Variants in CNTNAP1 observed in about 807,000 individuals in gnomAD.
CNTNAP1 encodes contactin associated protein 1, also known as contactin-associated protein 1.
Under a neutral mutation model 161.5 loss-of-function variants are expected in CNTNAP1, and 80 were observed. The observed-to-expected ratio is 0.50, with a 90% CI of 0.41 to 0.60. CNTNAP1 has a LOEUF of 0.60. Ranked by LOEUF, CNTNAP1 falls within the 20% of genes least tolerant of loss-of-function variation. The pLI, the probability that CNTNAP1 is intolerant of heterozygous loss-of-function variation, is 0.00. For synonymous variants in CNTNAP1, 695 were observed against 733.1 expected, an observed-to-expected ratio of 0.95 and a Z score of 0.84; for missense variants, 1,464 against 1,854.8, an observed-to-expected ratio of 0.79 and a Z score of 3.87.
In CNTNAP1 at chr17:42,688,572, C is replaced by G. The variant is rs146616808; in HGVS notation, c.1417C>G (p.Pro473Ala). 7.4e-6 allele frequency: 12 copies of G among 1,614,006 alleles called. No individual in the cohort carries two copies. The highest frequency in any genetic ancestry group is 1.0e-5 in the Non-Finnish European group (12 of 1,180,034). The change falls in exon 9 of 24, where the codon CCG becomes GCG. Residue 473 changes from proline (P) to alanine (A), a missense_variant. Pro to Ala is a conservative substitution (Grantham distance 27). Transcript: ENST00000264638. ...AGGGGCAGAGGTCAGGGTCTCATAC[C>G]CGTTGCTGATCCGGACAGGGACCTC... ...VEGAEVRVSY[P>A]LLIRTGTSYF...
rs569244633 is a variant in CNTNAP1, at chr17:42,685,720, T to C, written c.716-237T>C. ...CAGACGCACACACATTGTATCTCATTAGCTTTTCATAACACCCGCACATGA... is the reference window on the plus strand; with the variant it reads ...CAGACGCACACACATTGTATCTCATCAGCTTTTCATAACACCCGCACATGA... On this transcript the variant is annotated intron_variant, in intron 5 of 23. Transcript: ENST00000264638. This position sits in a 1 kb window ranked among gnomAD's most constrained non-coding sequence, Gnocchi z 5.0. Among the ~76,000 whole-genome samples the C allele has an allele frequency of 2.0e-5, 3 of 152,308 alleles. No homozygotes were observed. The South Asian group carries it at 6.2e-4, about 32-fold the overall frequency.
chr17:42,692,967 T>TG (rs1355786544), intron 17 of CNTNAP1, among the ~76,000 whole-genome samples: 1 of 151,294 alleles, frequency 6.6e-6, no homozygotes, highest in African/African-American at 2.4e-5. Context: ...TCTTTTTTTT[T>TG]TTTTTTTGAG....
At chr17:42,689,716 G>A (rs2053061161) in intron 11 of CNTNAP1, 89 bp downstream of exon 11, 1 of 1,080,656 alleles carries the variant, frequency 9.3e-7, no homozygotes, top group East Asian at 2.4e-5. Flanking sequence ...AGATGGCGAG[G>A]ATGGCCCTTC....
intron 3 of CNTNAP1, 84 bp from the exon 4 acceptor site, chr17:42,684,907 A>G (rs1453819278): frequency 4.0e-6 from 6 of 1,484,456 alleles, no homozygotes; most frequent in South Asian, 1.3e-5. Flanking sequence ...CCTGGGCGAC[A>G]GAGCGAGACT....
intron 19 of CNTNAP1, 42 bp from the exon 20 acceptor site, chr17:42,695,983 C>A: frequency 1.2e-6 from 2 of 1,609,454 alleles, no homozygotes; most frequent in East Asian, 4.5e-5. Context: ...AGATAGGAGT[C>A]ATGGGGCCTG....
Position 42,697,612 on chromosome 17 carries a change from C to T in CNTNAP1, c.3627C>T (p.Cys1209=), listed in dbSNP as rs780384214. ...QRYNTPGFSG[C]LSGVRFNNVA... ...ACAACACCCCAGGTTTCTCAGGCTGCCTGTCTGGTGTTCGATTCAACAACG... is the reference window on the plus strand; with the variant it reads ...ACAACACCCCAGGTTTCTCAGGCTGTCTGTCTGGTGTTCGATTCAACAACG... The change falls in exon 22 of 24, where the codon TGC becomes TGT. Residue 1209 remains cysteine, a synonymous_variant. Coordinates refer to ENST00000264638, the MANE Select transcript of CNTNAP1 (RefSeq NM_003632.3). 3.2e-5 allele frequency: 51 copies of T among 1,614,126 alleles called. 2 individuals carry two copies. In the South Asian group the frequency reaches 5.4e-4, roughly 17 times the overall value.
In CNTNAP1 at chr17:42,692,677, G is replaced by A; in HGVS notation, c.2709G>A (p.Leu903=). 1 of 1,614,102 alleles carries A rather than the reference G, an allele frequency of 6.2e-7. No homozygotes were observed. Among genetic ancestry groups the A allele is most frequent in the Non-Finnish European group, 8.5e-7 (1 of 1,179,994 alleles). The change falls in exon 17 of 24, where the codon CTG becomes CTA. Residue 903 remains leucine, a synonymous_variant. Transcript: ENST00000264638. Reference sequence around the variant, plus strand: ...CCTGGGTTCTGCGGCCTATGCCACTGCAGACCTACATCTGGATGGAGTATG... The same window carrying A: ...CCTGGGTTCTGCGGCCTATGCCACTACAGACCTACATCTGGATGGAGTATG... ...HRPWVLRPMP[L]QTYIWMEYDQ... is the part of the protein sequence containing the mutation.
rs201205776 is a variant in CNTNAP1, at chr17:42,688,979, T to C, written c.1560T>C (p.Thr520=). The change falls in exon 10 of 24, where the codon ACT becomes ACC. Residue 520 remains threonine, a synonymous_variant. Transcript: ENST00000264638. ...TGGATGGTCAACTGGTCAACCTGAC[T>C]CTGGTGGAGGGCCGGCGGCTTGGAT... The part of the protein sequence containing the change: ...LKVDGQLVNL[T]LVEGRRLGFY... The C allele has an allele frequency of 5.6e-6, 9 of 1,613,422 alleles. No individual in the cohort carries two copies. In the South Asian group the frequency reaches 6.6e-5, roughly 12 times the overall value.
In CNTNAP1 at chr17:42,687,801, G is replaced by A. The variant is rs2053036294; in HGVS notation, c.1126G>A (p.Gly376Ser). The change falls in exon 8 of 24, where the codon GGT becomes AGT. Residue 376 changes from glycine to serine, a missense_variant. Physicochemically the swap from Gly to Ser is moderately conservative, Grantham distance 56 (BLOSUM62 0). Around this residue, in one of 3 missense-constraint regions of CNTNAP1, gnomAD observed 1,383 missense variants for 1,765.0 expected, o/e 0.78. Transcript: ENST00000264638. The surrounding 1 kb of genome is among the most constrained non-coding windows in gnomAD (Gnocchi z 4.7). Reference sequence around the variant, plus strand: ...CCCTCACAACTTCGTTCAAGTGCCCGGTTTCCCACGCCGTGGCCGCCTGGC... The same window carrying A: ...CCCTCACAACTTCGTTCAAGTGCCCAGTTTCCCACGCCGTGGCCGCCTGGC... ...GGPHNFVQVP[G>S]FPRRGRLAVS... is the part of the protein sequence containing the mutation. 1 of 1,614,118 alleles carries A rather than the reference G, an allele frequency of 6.2e-7. No homozygotes were observed. Among genetic ancestry groups the A allele is most frequent in the Admixed American group, 1.7e-5 (1 of 60,010 alleles).
At position 42,695,606 on chromosome 17, in the gene CNTNAP1, C is replaced by T. The variant is rs377194820; in HGVS notation, c.3078C>T (p.His1026=). Residue 1026 remains histidine (H), a synonymous_variant, in exon 19 of 24, where the codon CAC becomes CAT. Coordinates refer to ENST00000264638, the MANE Select transcript of CNTNAP1 (RefSeq NM_003632.3). ...ALRSAAREFS[H]MLSRPVPGYE... ...GCTCTGCAGCCAGGGAGTTCTCCCA[C>T]ATGCTGAGCCGGCCAGTGCCAGGCT... 5 of 1,614,070 alleles carry T rather than the reference C, an allele frequency of 3.1e-6. No homozygotes were observed. Among genetic ancestry groups the T allele is most frequent in the Non-Finnish European group, 4.2e-6 (5 of 1,180,038 alleles).
Position 42,683,904 on chromosome 17 carries a change from A to C in CNTNAP1, c.151A>C (p.Arg51=), listed in dbSNP as rs2271029. The change falls in exon 2 of 24, where the codon AGA becomes CGA. Residue 51 remains arginine (R), a synonymous_variant. Coordinates refer to ENST00000264638, the MANE Select transcript of CNTNAP1 (RefSeq NM_003632.3). ...CTACTACAGTCTCCTTACTGCGCCG[A>C]GATTCGCCAGGCTGCACGGTGAGCT... ...SSYYSLLTAP[R]FARLHGISGW... 980,732 of 1,613,058 alleles carry C rather than the reference A, an allele frequency of 0.61. 300,249 individuals are homozygous for C. The highest frequency in any genetic ancestry group is 0.68 in the South Asian group (61,856 of 91,060).
At position 42,693,413 on chromosome 17, in the gene CNTNAP1, T is replaced by C. The variant is rs1176718699; in HGVS notation, c.2869T>C (p.Cys957Arg). Residue 957 changes from cysteine (C) to arginine (R), a missense_variant, in exon 18 of 24, where the codon TGC becomes CGC. By Grantham distance (180) the Cys-to-Arg change is radical. Around this residue, in one of 3 missense-constraint regions of CNTNAP1, gnomAD observed 1,383 missense variants for 1,765.0 expected, o/e 0.78. Transcript: ENST00000264638. The stretch of plus-strand genomic sequence containing the variant: ...TGCCTCTGAGGGTACCTCACCCAAC[T>C]GCACAGGCCACTGTGCCCACCCTCG... The part of the protein sequence containing the change: ...ANASEGTSPN[C>R]TGHCAHPRLP... 3.1e-6 allele frequency: 5 copies of C among 1,614,104 alleles called. No homozygotes were observed. Among genetic ancestry groups the C allele is most frequent in the Non-Finnish European group, 4.2e-6 (5 of 1,180,046 alleles).
At position 42,691,134 on chromosome 17, in the gene CNTNAP1, C is replaced by T. The variant is rs1402087743; in HGVS notation, c.2060-3C>T. 2 of 1,613,504 alleles carry T rather than the reference C, an allele frequency of 1.2e-6. No homozygotes were observed. Among genetic ancestry groups the T allele is most frequent in the African/African-American group, 2.7e-5 (2 of 74,932 alleles). ...CTGGAAGCTGCCTGCACCTCTTCCC[C>T]AGGAGGCTACCCCTACAGCTTTTGG... On this transcript the variant is annotated splice_region_variant and splice_polypyrimidine_tract_variant and intron_variant, in intron 13 of 23. Transcript: ENST00000264638. This position sits in a 1 kb window ranked among gnomAD's most constrained non-coding sequence, Gnocchi z 4.3.
chr17:42,687,164 C>A lies in CNTNAP1; in HGVS notation c.1044+118C>A. On this transcript the variant is annotated intron_variant, in intron 7 of 23. Coordinates refer to ENST00000264638, the MANE Select transcript of CNTNAP1 (RefSeq NM_003632.3). The surrounding 1 kb of genome is among the most constrained non-coding windows in gnomAD (Gnocchi z 4.7). ...AAGCGGAGAATCCCTCTGTCCCCAG[C>A]CAGATGCTCAAGTTGGGAGGGGAGC... is the stretch of plus-strand genomic sequence containing the variant. The A allele has an allele frequency of 7.1e-7, 1 of 1,405,712 alleles. No homozygotes were observed. The highest frequency in any genetic ancestry group is 1.3e-5 in the South Asian group (1 of 74,374). The allele number at this position is 1,405,712 out of a possible 1,614,324, so 87.1% of individuals were successfully genotyped here.
rs1453799427 is a variant in CNTNAP1, at chr17:42,687,636, G to A, written c.1045-84G>A. 5.2e-6 allele frequency: 8 copies of A among 1,545,806 alleles called. No homozygotes were observed. Among genetic ancestry groups the A allele is most frequent in the Non-Finnish European group, 7.0e-6 (8 of 1,135,998 alleles). ...ACACCGAAGGAGGGCGGTGACCAGG[G>A]TCTTAGACCGGTGTGAAAACTGAAT... On this transcript the variant is annotated intron_variant, in intron 7 of 23. Transcript: ENST00000264638. This position sits in a 1 kb window ranked among gnomAD's most constrained non-coding sequence, Gnocchi z 4.7.
chr17:42,687,706 A>C lies in CNTNAP1; in HGVS notation c.1045-14A>C. ...GGCTCACGGGTGTTGATGCGTCTTC[A>C]CTTTTGCCCCTAGGGTAAGGTGGCT... is the stretch of plus-strand genomic sequence containing the variant. On this transcript the variant is annotated splice_polypyrimidine_tract_variant and intron_variant, in intron 7 of 23. Coordinates refer to ENST00000264638, the MANE Select transcript of CNTNAP1 (RefSeq NM_003632.3). This position sits in a 1 kb window ranked among gnomAD's most constrained non-coding sequence, Gnocchi z 4.7. 7 of 1,612,428 alleles carry C rather than the reference A, an allele frequency of 4.3e-6. No homozygotes were observed. Among genetic ancestry groups the C allele is most frequent in the Non-Finnish European group, 5.9e-6 (7 of 1,178,758 alleles).
chr17:42,696,065 C>A lies in CNTNAP1; in HGVS notation c.3387C>A (p.Tyr1129Ter). The change falls in exon 20 of 24, where the codon TAC (tyrosine) becomes TAA (stop). Residue 1129 changes from tyrosine (Y) to a stop codon, truncating the protein, a stop_gained. Transcript: ENST00000264638. LOFTEE classifies it high-confidence loss of function. ...QLRYQLGTSP[Y>*]VYQLTTRPVT... ...GATATCAGCTGGGCACCAGTCCCTA[C>A]GTGTACCAGCTAACCACTCGACCAG... 1 of 1,614,158 alleles carries A rather than the reference C, an allele frequency of 6.2e-7. No homozygotes were observed. Among genetic ancestry groups the A allele is most frequent in the Non-Finnish European group, 8.5e-7 (1 of 1,180,034 alleles).
chr17:42,697,386 C>A lies in CNTNAP1; in HGVS notation c.3568+19C>A, dbSNP rs377414361. ...GTGATGGGTAAGCTGCGGGTGCGGA[C>A]GCGTTTTAGGCAAGGAGCTGTGGCA... On this transcript the variant is annotated intron_variant, in intron 21 of 23. Transcript: ENST00000264638. 6.2e-7 allele frequency: 1 copy of A among 1,612,936 alleles called. No homozygotes were observed. The highest frequency in any genetic ancestry group is 8.5e-7 in the Non-Finnish European group (1 of 1,178,968).
At position 42,691,301 on chromosome 17, in the gene CNTNAP1, G is replaced by C; in HGVS notation, c.2216+8G>C. 1.2e-6 allele frequency: 2 copies of C among 1,614,106 alleles called. No homozygotes were observed. Among genetic ancestry groups the C allele is most frequent in the African/African-American group, 2.7e-5 (2 of 75,034 alleles). On this transcript the variant is annotated splice_region_variant and intron_variant, in intron 14 of 23. Transcript: ENST00000264638. The surrounding 1 kb of genome is among the most constrained non-coding windows in gnomAD (Gnocchi z 4.3). Reference sequence around the variant, plus strand: ...CGCTGACCAGCCCCAGTGGTGAGGGGGCAAAGGGACAGGGTTTTTAGGACT... The same window carrying C: ...CGCTGACCAGCCCCAGTGGTGAGGGCGCAAAGGGACAGGGTTTTTAGGACT...
Sources: allele counts gnomAD v4.1 joint callset (sites outside exome capture counted in the v4.1 genomes callset), GRCh38; gene constraint gnomAD v4.1.1; regional missense constraint gnomAD v4.1.1; non-coding constraint Gnocchi (gnomAD v3.1); transcripts MANE v1.5; gene names NCBI Gene and HGNC (gene_info 2026-07-23, HGNC 2026-07-21).